CADM2: variants seen among roughly 807,000 people sequenced by gnomAD.
The protein encoded by CADM2 is cell adhesion molecule 2.
In CADM2, 12 loss-of-function variants were observed where a neutral mutation model predicts 49.8. The ratio of observed to expected loss-of-function variants is 0.24; its 90% CI spans 0.15 to 0.39. CADM2 has a LOEUF of 0.39. Among genes scored for constraint, CADM2 ranks in the 10% least tolerant of loss-of-function variants. The pLI is 1.00. For synonymous variants in CADM2, 214 were observed against 175.4 expected (o/e 1.22, Z -1.74); for missense variants, 378 against 492.3 (o/e 0.77, Z 2.20).
chr3:85,354,067 T>G (rs1391099247), intron 1 of CADM2, among the ~76,000 whole-genome samples: 2 of 151,994 alleles, frequency 1.3e-5, no homozygotes, highest in Non-Finnish European at 2.9e-5. Flanking sequence ...AAGAGTTTGT[T>G]TAAAAGAGTA....
intron 1 of CADM2, among the ~76,000 whole-genome samples, chr3:85,216,669 A>G (rs1197117257): frequency 6.6e-6 from 1 of 152,068 alleles, no homozygotes; most frequent in Admixed American, 6.5e-5. Context: ...CATCTTGGTT[A>G]CAAAAGCATA....
chr3:85,834,169 C>T (rs554045331), intron 3 of CADM2, among the ~76,000 whole-genome samples: 55 of 151,568 alleles, frequency 3.6e-4, no homozygotes, highest in African/African-American at 1.2e-3. Context: ...CATGGATCTA[C>T]TATTAACTCA....
At chr3:85,371,127 T>G (rs1412110808) in intron 1 of CADM2, among the ~76,000 whole-genome samples, 5 of 152,158 alleles carry the variant, frequency 3.3e-5, no homozygotes, top group Admixed American at 6.5e-5. Flanking sequence ...TCAGCTAAGA[T>G]TAATTTATTA....
chr3:85,171,446 T>C (rs1171963338), intron 1 of CADM2, among the ~76,000 whole-genome samples: 1 of 152,218 alleles, frequency 6.6e-6, no homozygotes, highest in Non-Finnish European at 1.5e-5. Flanking sequence ...AATGCATATT[T>C]TTATGCATAT....
At chr3:85,717,933 A>G (rs1409400994) in intron 1 of CADM2, among the ~76,000 whole-genome samples, 1 of 151,958 alleles carries the variant, frequency 6.6e-6, no homozygotes, top group Non-Finnish European at 1.5e-5. Context: ...ACGCCTGGCT[A>G]AATTTTTTGT....
At chr3:85,604,772 G>A (rs910352461) in intron 1 of CADM2, among the ~76,000 whole-genome samples, 3 of 151,900 alleles carry the variant, frequency 2.0e-5, no homozygotes, top group South Asian at 4.1e-4. Context: ...AAGGCAAAAG[G>A]AATTCAATCC....
At chr3:85,857,783 A>G (rs1255592648) in intron 3 of CADM2, among the ~76,000 whole-genome samples, 1 of 152,222 alleles carries the variant, frequency 6.6e-6, no homozygotes, top group Non-Finnish European at 1.5e-5. Flanking sequence ...TGTTTTCTTT[A>G]TCATTAAAAT....
At chr3:85,335,611 A>G (rs1354360825) in intron 1 of CADM2, among the ~76,000 whole-genome samples, 1 of 151,350 alleles carries the variant, frequency 6.6e-6, no homozygotes, top group Non-Finnish European at 1.5e-5. Flanking sequence ...ATTGAAATAT[A>G]CAATATGTTA....
chr3:85,481,016 A>G (rs1285999709), intron 1 of CADM2, among the ~76,000 whole-genome samples: 1 of 151,682 alleles, frequency 6.6e-6, no homozygotes, highest in Middle Eastern at 3.4e-3. Context: ...GCACATTTGA[A>G]GTCTGAACTT....
intron 1 of CADM2, among the ~76,000 whole-genome samples, chr3:85,568,413 T>TTTTCTTTCTTTCTCTCTCTC (rs2062342972): frequency 9.4e-5 from 4 of 42,472 alleles, no homozygotes; most frequent in African/African-American, 3.5e-4. Flanking sequence ...CTTTCTTTCT[T>TTTTCTTTCTTTCTCTCTCTC]TCTTTCTTTC....
intron 1 of CADM2, among the ~76,000 whole-genome samples, chr3:85,392,632 A>C (rs1462021178): frequency 6.6e-6 from 1 of 152,102 alleles, no homozygotes; most frequent in African/African-American, 2.4e-5. Flanking sequence ...AGCCCCTTCA[A>C]GTTAAAACAA....
chr3:85,867,833 T>C (rs2075781247), intron 3 of CADM2, among the ~76,000 whole-genome samples: 1 of 152,086 alleles, frequency 6.6e-6, no homozygotes, highest in Non-Finnish European at 1.5e-5. Context: ...ACGTGATTGA[T>C]ATAATCACCA....
chr3:85,793,672 C>T (rs1159466978), intron 2 of CADM2, among the ~76,000 whole-genome samples: 1 of 152,126 alleles, frequency 6.6e-6, no homozygotes, highest in African/African-American at 2.4e-5. Flanking sequence ...CTGGTGTGAG[C>T]CAACTCCAGC....
At chr3:85,753,685 C>T (rs568061507) in intron 2 of CADM2, among the ~76,000 whole-genome samples, 9 of 152,240 alleles carry the variant, frequency 5.9e-5, no homozygotes, top group Admixed American at 1.3e-4. Context: ...AATATAGGAA[C>T]TAGAACAGGT....
chr3:85,988,140 G>T (rs1180080266), intron 8 of CADM2, among the ~76,000 whole-genome samples: 5 of 152,206 alleles, frequency 3.3e-5, no homozygotes, highest in African/African-American at 1.2e-4. Context: ...TCTGAGAAGG[G>T]TCTAATACAA....
In CADM2 at chr3:85,670,134, T is replaced by A. The variant is rs1457338806; in HGVS notation, c.62-56388T>A. 3.3e-5 allele frequency among the ~76,000 whole-genome samples: 5 copies of A among 152,254 alleles called. No individual in the cohort carries two copies. In the South Asian group the frequency reaches 1.0e-3, roughly 32 times the overall value. On this transcript the variant is annotated intron_variant, in intron 1 of 9. Coordinates refer to ENST00000383699, the MANE Select transcript of CADM2 (RefSeq NM_001167675.2). Reference sequence around the variant, plus strand: ...AATTTTACATTACAAATACTTGTGGTCCCAGCGGAAAAGAAATAGAACCTA... The same window carrying A: ...AATTTTACATTACAAATACTTGTGGACCCAGCGGAAAAGAAATAGAACCTA...
intron 1 of CADM2, among the ~76,000 whole-genome samples, chr3:85,092,459 T>G (rs1175786587): frequency 6.6e-6 from 1 of 152,178 alleles, no homozygotes; most frequent in East Asian, 1.9e-4. Flanking sequence ...ATATATATCA[T>G]GTTCACAACC....
intron 8 of CADM2, among the ~76,000 whole-genome samples, chr3:86,054,209 T>G (rs1334475034): frequency 1.3e-5 from 2 of 151,360 alleles, no homozygotes; most frequent in Non-Finnish European, 2.9e-5. Context: ...TAATGATATA[T>G]GGAAAAGACA....
At chr3:85,226,959 A>G (rs576925225) in intron 1 of CADM2, among the ~76,000 whole-genome samples, 2 of 152,088 alleles carry the variant, frequency 1.3e-5, no homozygotes, top group African/African-American at 2.4e-5. Flanking sequence ...CTTAATCCTG[A>G]TTCTAATTTG....
Sources: allele counts gnomAD v4.1 joint callset (sites outside exome capture counted in the v4.1 genomes callset), GRCh38; gene constraint gnomAD v4.1.1; transcripts MANE v1.5; gene names NCBI Gene and HGNC (gene_info 2026-07-23, HGNC 2026-07-21).